Variants in LAMA2 observed in about 807,000 individuals in gnomAD.
LAMA2 encodes the protein laminin subunit alpha-2.
In LAMA2, 269 loss-of-function variants were observed where a neutral mutation model predicts 364.8. The observed-to-expected ratio is 0.74, with a 90% CI of 0.67 to 0.82. The LOEUF is 0.82. LAMA2 is among the 40% of genes least tolerant of loss of function. The probability of loss-of-function intolerance (pLI) is 0.00; values close to 1 mark genes in which losing one functional copy is unlikely to be tolerated. For missense variants in LAMA2, 3,807 were observed against 3,873.2 expected, an observed-to-expected ratio of 0.98 and a Z score of 0.45; for synonymous variants, 1,379 against 1,370.6, an observed-to-expected ratio of 1.01 and a Z score of -0.14.
intron 12 of LAMA2, among the ~76,000 whole-genome samples, chr6:129,208,908 C>T (rs1484171480): frequency 6.6e-6 from 1 of 152,082 alleles, no homozygotes; most frequent in Non-Finnish European, 1.5e-5. Context: ...CAGGACCTGT[C>T]TTAGAGATGA....
At chr6:129,251,935 C>CA (rs1160760839) in intron 13 of LAMA2, 149 bp from the exon 14 acceptor site, 1,539 of 578,970 alleles carry the variant, frequency 2.7e-3, no homozygotes, top group Non-Finnish European at 3.0e-3. Flanking sequence ...ACTCTGTCTC[C>CA]AAAAAAAAAT....
intron 12 of LAMA2, among the ~76,000 whole-genome samples, chr6:129,200,892 C>G (rs1469582377): frequency 1.3e-5 from 2 of 152,094 alleles, no homozygotes; most frequent in Admixed American, 1.3e-4. Flanking sequence ...AAAATTTCTG[C>G]ATCCTTACTC....
chr6:129,059,305 C>T (rs910460951), intron 2 of LAMA2, among the ~76,000 whole-genome samples: 6 of 152,188 alleles, frequency 3.9e-5, no homozygotes, highest in East Asian at 1.9e-4. Flanking sequence ...GGACTCCCTA[C>T]GTCTTAATAA....
At chr6:129,254,397 G>A (rs1406419317) in intron 14 of LAMA2, among the ~76,000 whole-genome samples, 2 of 152,180 alleles carry the variant, frequency 1.3e-5, no homozygotes, top group Non-Finnish European at 2.9e-5. Flanking sequence ...CACTTCATCT[G>A]TAAAATAAGG....
chr6:129,109,940 C>T (rs1462714571), intron 4 of LAMA2, among the ~76,000 whole-genome samples: 1 of 152,000 alleles, frequency 6.6e-6, no homozygotes, highest in Non-Finnish European at 1.5e-5. Context: ...ATCTTCTGGA[C>T]TTTTCTTCAA....
intron 7 of LAMA2, among the ~76,000 whole-genome samples, chr6:129,151,030 T>C (rs936621192): frequency 6.6e-6 from 1 of 152,148 alleles, no homozygotes; most frequent in Non-Finnish European, 1.5e-5. Context: ...TAAACAACAG[T>C]TTCATATGAT....
intron 3 of LAMA2, among the ~76,000 whole-genome samples, chr6:129,062,999 T>A (rs1284928695): frequency 1.3e-5 from 2 of 151,808 alleles, no homozygotes; most frequent in African/African-American, 4.8e-5. Context: ...AGCTACTTAT[T>A]TTATAAGTAG....
At chr6:129,375,955 C>T (rs571519381) in intron 34 of LAMA2, among the ~76,000 whole-genome samples, 1 of 152,318 alleles carries the variant, frequency 6.6e-6, no homozygotes, top group South Asian at 2.1e-4. Flanking sequence ...CTCCCTCTTT[C>T]ATCCTTCATC....
In LAMA2 at chr6:129,055,394, G is replaced by A. The variant is rs140598375; in HGVS notation, c.284-4390G>A. On this transcript the variant is annotated intron_variant, in intron 2 of 64. Transcript: ENST00000421865. ...TTTTTAGTAGAGATGGAGTTTCACCGTGTTGGCCAGGCTGGTCTTGAACTC... is the reference window on the plus strand; with the variant it reads ...TTTTTAGTAGAGATGGAGTTTCACCATGTTGGCCAGGCTGGTCTTGAACTC... Among the ~76,000 whole-genome samples, 578 of 151,780 alleles carry A rather than the reference G, an allele frequency of 3.8e-3. 1 individual carries two copies. The highest frequency in any genetic ancestry group is 0.013 in the African/African-American group (541 of 41,400).
chr6:129,412,492 C>T (rs1248070900), intron 40 of LAMA2, among the ~76,000 whole-genome samples: 3 of 150,598 alleles, frequency 2.0e-5, no homozygotes, highest in African/African-American at 7.3e-5. Context: ...AACAAGCAGA[C>T]AGAGAGAGAA....
At chr6:129,247,800 T>C (rs1785863283) in intron 12 of LAMA2, among the ~76,000 whole-genome samples, 3 of 152,252 alleles carry the variant, frequency 2.0e-5, no homozygotes. Context: ...TGTTTTACTA[T>C]TATCGCTATT....
chr6:129,171,153 T>TCA, intron 9 of LAMA2, among the ~76,000 whole-genome samples: 1 of 152,240 alleles, frequency 6.6e-6, no homozygotes, highest in African/African-American at 2.4e-5. Flanking sequence ...GTCTTTTAAT[T>TCA]GGAGCATTTA....
rs568330011 is a variant in LAMA2 at position 128,976,797 on chromosome 6, T to C, written c.113-73121T>C. Among the ~76,000 whole-genome samples, 3 of 152,270 alleles carry C rather than the reference T, an allele frequency of 2.0e-5. No homozygotes were observed. In the South Asian group the frequency reaches 6.2e-4, roughly 32 times the overall value. Reference sequence around the variant, plus strand: ...ATGAGTGGGAGACTTAGGTTCTTGGTTCTGTGTTGTAAGTCATTCTCCAAG... The same window carrying C: ...ATGAGTGGGAGACTTAGGTTCTTGGCTCTGTGTTGTAAGTCATTCTCCAAG... On this transcript the variant is annotated intron_variant, in intron 1 of 64. Coordinates refer to ENST00000421865, the MANE Select transcript of LAMA2 (RefSeq NM_000426.4).
chr6:129,038,545 C>A (rs12191829), intron 1 of LAMA2, among the ~76,000 whole-genome samples: 53,261 of 152,114 alleles, frequency 0.35, 11,414 homozygotes, highest in African/African-American at 0.6. Flanking sequence ...GTTTTGATAC[C>A]TGTACAGAAT....
intron 12 of LAMA2, among the ~76,000 whole-genome samples, chr6:129,225,937 T>A (rs577842682): frequency 6.6e-6 from 1 of 152,304 alleles, no homozygotes; most frequent in East Asian, 1.9e-4. Context: ...AGTGGGGTGT[T>A]AAAGTCTCCC....
intron 52 of LAMA2, among the ~76,000 whole-genome samples, chr6:129,475,070 C>A: frequency 6.6e-6 from 1 of 152,116 alleles, no homozygotes. Context: ...TTCATGAACA[C>A]TACAGAATAG....
chr6:129,167,303 C>G (rs1249636326), intron 9 of LAMA2, among the ~76,000 whole-genome samples: 1 of 119,374 alleles, frequency 8.4e-6, no homozygotes, highest in East Asian at 3.0e-4. Context: ...CAATGCTATC[C>G]CTCCCCCCTC....
chr6:129,151,344 A>G (rs964751841), intron 7 of LAMA2, among the ~76,000 whole-genome samples: 6 of 152,268 alleles, frequency 3.9e-5, no homozygotes, highest in African/African-American at 1.4e-4. Flanking sequence ...TTATACTGGC[A>G]GCAGAAGTTT....
At chr6:128,939,938 C>T (rs1256291313) in intron 1 of LAMA2, among the ~76,000 whole-genome samples, 1 of 152,144 alleles carries the variant, frequency 6.6e-6, no homozygotes, top group African/African-American at 2.4e-5. Flanking sequence ...CTGATCCCTT[C>T]ACGGCATCCA....
Sources: allele counts gnomAD v4.1 joint callset (sites outside exome capture counted in the v4.1 genomes callset), GRCh38; gene constraint gnomAD v4.1.1; transcripts MANE v1.5; gene names NCBI Gene and HGNC (gene_info 2026-07-23, HGNC 2026-07-21).